The following AKTIP variants were observed in gnomAD, a reference collection of about 807,000 sequenced individuals.
AKTIP encodes the protein AKT-interacting protein.
Under a neutral mutation model 39.1 loss-of-function variants are expected in AKTIP, and 16 were observed. The ratio of observed to expected loss-of-function variants is 0.41; its 90% CI spans 0.28 to 0.62. The LOEUF is 0.62. Ranked by LOEUF, AKTIP falls within the 20% of genes least tolerant of loss-of-function variation. The pLI, the probability that AKTIP is intolerant of heterozygous loss-of-function variation, is 0.32. For missense variants in AKTIP, 262 were observed against 356.6 expected (o/e 0.73, Z 2.14); for synonymous variants, 93 against 124.3 (o/e 0.75, Z 1.67).
chr16:53,493,565 A>G (rs1317923760), intron 8 of AKTIP: 1 of 154,354 alleles, frequency 6.5e-6, no homozygotes, highest in Non-Finnish European at 1.4e-5. Context: ...TCGGCTTCCC[A>G]AAGTGCTAGG....
intron 3 of AKTIP, among the ~76,000 whole-genome samples, chr16:53,496,953 G>C (rs370489291): frequency 6.6e-6 from 1 of 152,248 alleles, no homozygotes; most frequent in East Asian, 1.9e-4. Flanking sequence ...CTATAGGTCT[G>C]CAGCTGGGAA....
intron 3 of AKTIP, among the ~76,000 whole-genome samples, chr16:53,496,231 A>G (rs1405871525): frequency 6.6e-6 from 1 of 152,202 alleles, no homozygotes; most frequent in Admixed American, 6.5e-5. Flanking sequence ...GCTAAAATTC[A>G]GCATGTCAGT....
At chr16:53,493,356 G>C (rs1214339780) in intron 8 of AKTIP, 2 of 153,368 alleles carry the variant, frequency 1.3e-5, no homozygotes, top group Non-Finnish European at 2.9e-5. Context: ...ATTTTTAATA[G>C]AGACGGGGTT....
rs189120131 is a variant in AKTIP, at chr16:53,498,253, T to C, written c.248+138A>G. 1.9e-5 allele frequency: 16 copies of C among 860,804 alleles called. No individual in the cohort carries two copies. In the African/African-American group the frequency reaches 2.4e-4, roughly 13 times the overall value. The allele number at this position is 860,804 out of a possible 1,614,324, so 53.3% of individuals were successfully genotyped here. A position where few individuals can be genotyped will look rare whatever the true frequency, so the allele number is the denominator to read the frequency against. On this transcript the variant is annotated intron_variant, in intron 3 of 9. Coordinates refer to ENST00000394657, the MANE Select transcript of AKTIP (RefSeq NM_022476.4). ...CAATAGCCTATAGTTTTATATTTAT[T>C]AAGTCTGATACTGGAAAGGGACAGG...
intron 8 of AKTIP, chr16:53,493,868 G>C: frequency 2.3e-6 from 1 of 433,730 alleles, no homozygotes; most frequent in Non-Finnish European, 4.1e-6. Context: ...GTCCTGACAT[G>C]GGAATGAATA....
Position 53,498,438 on chromosome 16 carries a change from A to C in AKTIP, c.201T>G (p.His67Gln). The change falls in exon 3 of 10, where the codon CAT becomes CAG. Residue 67 changes from histidine to glutamine, a missense_variant. Around this residue, in one of 4 missense-constraint regions of AKTIP, gnomAD observed 88 missense variants for 132.1 expected, o/e 0.67. Coordinates refer to ENST00000394657, the MANE Select transcript of AKTIP (RefSeq NM_022476.4). The part of the protein sequence containing the change: ...APAAQSTNGT[H>Q]ASYGPFYLEY... ...CCAGGTAGAAGGGTCCATAGGACGC[A>C]TGCGTGCCATTTGTTGACTGTGCTG... is the stretch of plus-strand genomic sequence containing the variant. 1 of 1,614,052 alleles carries C rather than the reference A, an allele frequency of 6.2e-7. No individual in the cohort carries two copies. The highest frequency in any genetic ancestry group is 8.5e-7 in the Non-Finnish European group (1 of 1,179,902).
intron 3 of AKTIP, among the ~76,000 whole-genome samples, chr16:53,495,635 T>G (rs943184020): frequency 6.6e-6 from 1 of 152,246 alleles, no homozygotes; most frequent in Non-Finnish European, 1.5e-5. Flanking sequence ...AGAAATTCGC[T>G]CTTCCAAAAC....
At position 53,492,414 on chromosome 16, in the gene AKTIP, A is replaced by T. The variant is rs1426404310; in HGVS notation, c.877T>A (p.Ter293LysextTer13). The T allele has an allele frequency of 2.5e-6, 4 of 1,612,016 alleles. No individual in the cohort carries two copies. The East Asian group carries it at 6.7e-5, about 27-fold the overall frequency. ...TGGTGCACCAGATTCACCATCTCTT[A>T]AGTCGCCACTGTTTTCTCTTCTTTA... is the stretch of plus-strand genomic sequence containing the variant. ...FSKEEKTVAT* is the reference protein window; with the variant it reads ...FSKEEKTVATK Residue 293 changes from the stop codon to lysine (K), a stop_lost, in exon 10 of 10, where the codon TAA becomes AAA. Coordinates refer to ENST00000394657, the MANE Select transcript of AKTIP (RefSeq NM_022476.4).
chr16:53,500,006 C>A (rs572322113), intron 2 of AKTIP, among the ~76,000 whole-genome samples: 1 of 152,082 alleles, frequency 6.6e-6, no homozygotes, highest in Non-Finnish European at 1.5e-5. Flanking sequence ...ATGACCAGAA[C>A]GATTTCTATT....
At chr16:53,503,679 T>C (rs968034267), upstream of AKTIP, among the ~76,000 whole-genome samples, 1 of 151,962 alleles carries the variant, frequency 6.6e-6, no homozygotes, top group Non-Finnish European at 1.5e-5. Context: ...AAGCCAAGCT[T>C]TTGGGGAGGG....
upstream of AKTIP, among the ~76,000 whole-genome samples, chr16:53,503,703 C>G (rs954832729): frequency 2.0e-5 from 3 of 152,234 alleles, no homozygotes; most frequent in East Asian, 3.8e-4. Context: ...GGCCGCGCGA[C>G]TGCCCAGTGG....
intron 9 of AKTIP, 73 bp downstream of exon 9, chr16:53,492,620 A>C: frequency 6.3e-7 from 1 of 1,599,152 alleles, no homozygotes; most frequent in East Asian, 2.2e-5. Flanking sequence ...GTATGTAATG[A>C]GCAGTCTCCA....
intron 5 of AKTIP, 134 bp downstream of exon 5, chr16:53,494,939 G>GAAGTCCCCCTGGACA (rs776351554): frequency 7.9e-5 from 68 of 861,336 alleles, no homozygotes; most frequent in Non-Finnish European, 1.2e-4. Context: ...GCAAAGCACA[G>GAAGTCCCCCTGGACA]AAGTCCCCCT....
chr16:53,492,986 G>A, intron 8 of AKTIP: 1 of 481,102 alleles, frequency 2.1e-6, no homozygotes, highest in South Asian at 2.5e-5. Context: ...GTTATTTAAA[G>A]ATTAAGACAG....
chr16:53,503,533 G>T (rs985823895), upstream of AKTIP, among the ~76,000 whole-genome samples: 2 of 152,236 alleles, frequency 1.3e-5, no homozygotes, highest in Non-Finnish European at 2.9e-5. Flanking sequence ...GAGGGATGGG[G>T]CAGAGACAAA....
chr16:53,491,252 A>G lies in AKTIP; in HGVS notation c.*1160T>C, dbSNP rs1479684392. ...AGGGAGTTATCTAAAAGAAATGTCT[A>G]TTAAGGTGATATATTTAAAAATATT... On this transcript the variant is annotated 3_prime_UTR_variant, in exon 10 of 10. Coordinates refer to ENST00000394657, the MANE Select transcript of AKTIP (RefSeq NM_022476.4). 1.3e-5 allele frequency: 2 copies of G among 152,198 alleles called. No homozygotes were observed. Among genetic ancestry groups the G allele is most frequent in the African/African-American group, 4.8e-5 (2 of 41,452 alleles). 9.4% of individuals were successfully genotyped at this position (152,198 alleles called of 1,614,324 possible).
At chr16:53,499,889 C>G (rs17801966) in intron 2 of AKTIP, among the ~76,000 whole-genome samples, 23,946 of 152,014 alleles carry the variant, frequency 0.16, 1,904 homozygotes, top group South Asian at 0.26. Flanking sequence ...ATTAGACTAG[C>G]CTTTCCCACA....
Position 53,492,023 on chromosome 16 carries a change from A to G in AKTIP, c.*389T>C, listed in dbSNP as rs1961510160. The G allele has an allele frequency of 5.8e-6, 1 of 171,040 alleles. No homozygotes were observed. Among genetic ancestry groups the G allele is most frequent in the Non-Finnish European group, 1.3e-5 (1 of 78,972 alleles). 10.6% of individuals were successfully genotyped at this position (171,040 alleles called of 1,614,324 possible). A position where few individuals can be genotyped will look rare whatever the true frequency, so the allele number is the denominator to read the frequency against. ...GAGCTATGGAACCTGCTCTCTCTAT[A>G]CCTCTCCATTTCCTAACATATATAC... On this transcript the variant is annotated 3_prime_UTR_variant, in exon 10 of 10. Coordinates refer to ENST00000394657, the MANE Select transcript of AKTIP (RefSeq NM_022476.4).
chr16:53,499,977 A>G (rs1246756322), intron 2 of AKTIP, among the ~76,000 whole-genome samples: 1 of 152,182 alleles, frequency 6.6e-6, no homozygotes, highest in South Asian at 2.1e-4. Context: ...AATATAACCT[A>G]AATCATCTTA....
Sources: gnomAD v4.1 joint callset for allele counts (sites outside exome capture counted in the v4.1 genomes callset) on GRCh38, gnomAD v4.1.1 for gene constraint, gnomAD v4.1.1 regional missense constraint, MANE v1.5 for transcripts, NCBI Gene and HGNC (gene_info 2026-07-23, HGNC 2026-07-21) for gene names.